Variants in GALNS observed in about 807,000 individuals in gnomAD.
GALNS encodes the protein N-acetylgalactosamine-6-sulfatase.
A neutral mutation model predicts 65.9 loss-of-function variants in GALNS; 65 were observed. The ratio of observed to expected loss-of-function variants is 0.99; its 90% CI spans 0.81 to 1.21. GALNS has a LOEUF of 1.21. Ranked by LOEUF, GALNS falls within the 50% of genes most tolerant of loss-of-function variation. GALNS has a pLI of 0.00. For missense variants in GALNS, 776 were observed against 700.7 expected, an observed-to-expected ratio of 1.11 and a Z score of -1.21; for synonymous variants, 346 against 288.9, an observed-to-expected ratio of 1.20 and a Z score of -2.00.
At chr16:88,846,559 C>T (rs1469549844) in intron 1 of GALNS, among the ~76,000 whole-genome samples, 4 of 147,782 alleles carry the variant, frequency 2.7e-5, no homozygotes, top group African/African-American at 1.0e-4. Context: ...TGTTGTCGCC[C>T]AGGCTGGAGG....
intron 1 of GALNS, chr16:88,843,387 C>G: frequency 2.4e-6 from 1 of 419,854 alleles, no homozygotes; most frequent in South Asian, 2.0e-5. Flanking sequence ...ATACGAGCGT[C>G]CAGGGCAGCA....
intron 1 of GALNS, chr16:88,843,381 G>A (rs905714724): frequency 6.9e-6 from 3 of 432,010 alleles, no homozygotes; most frequent in South Asian, 1.9e-5. Context: ...GCCTGCATAC[G>A]AGCGTCCAGG....
chr16:88,835,872 G>T, intron 6 of GALNS, 23 bp from the exon 7 acceptor site: 1 of 1,613,560 alleles, frequency 6.2e-7, no homozygotes, highest in Non-Finnish European at 8.5e-7. Flanking sequence ...CCACACCGTC[G>T]TCCTCCAGCC....
At chr16:88,839,727 G>C (rs1439291394) in intron 4 of GALNS, among the ~76,000 whole-genome samples, 1 of 152,234 alleles carries the variant, frequency 6.6e-6, no homozygotes, top group Non-Finnish European at 1.5e-5. Flanking sequence ...GGGCTCTGAG[G>C]TCTGCCTGGC....
intron 1 of GALNS, among the ~76,000 whole-genome samples, chr16:88,851,579 G>A (rs1967511503): frequency 1.3e-5 from 2 of 152,212 alleles, no homozygotes; most frequent in Admixed American, 1.3e-4. Context: ...GGAAGTGCGA[G>A]GGGTTGGGGG....
At chr16:88,851,532 G>C (rs965012586) in intron 1 of GALNS, among the ~76,000 whole-genome samples, 2 of 152,186 alleles carry the variant, frequency 1.3e-5, no homozygotes, top group African/African-American at 2.4e-5. Flanking sequence ...AGCCCATGGA[G>C]GGTGAGCCGA....
rs567570645 is a variant in GALNS at position 88,825,044 on chromosome 16, G to A, written c.1140-175C>T. On this transcript the variant is annotated intron_variant, in intron 10 of 13. Transcript: ENST00000268695. ...CCCGCAAGGTGGCTGGGGCTGGGGT[G>A]CCTGGGCGGCCGGGGCTGGAGCTCC... Among the ~76,000 whole-genome samples, 23 of 129,096 alleles carry A rather than the reference G, an allele frequency of 1.8e-4. No homozygotes were observed. The South Asian group carries it at 4.4e-3, about 25-fold the overall frequency. 84.7% of individuals were successfully genotyped at this position (129,096 alleles called of 152,430 possible).
intron 13 of GALNS, chr16:88,814,956 C>T (rs1909475847): frequency 2.3e-6 from 2 of 854,920 alleles, no homozygotes; most frequent in Non-Finnish European, 2.8e-6. Context: ...TGGTCTCAAA[C>T]TTCTGACCTC....
At chr16:88,854,407 G>A (rs1191170555) in intron 1 of GALNS, among the ~76,000 whole-genome samples, 1 of 152,234 alleles carries the variant, frequency 6.6e-6, no homozygotes, top group Non-Finnish European at 1.5e-5. Context: ...GAGCTTCTGT[G>A]GCTCTCACCT....
At chr16:88,851,276 G>A (rs1443240558) in intron 1 of GALNS, among the ~76,000 whole-genome samples, 1 of 152,166 alleles carries the variant, frequency 6.6e-6, no homozygotes, top group African/African-American at 2.4e-5. Context: ...CACTTTGGGA[G>A]GCTGAGGAGG....
intron 4 of GALNS, chr16:88,838,685 C>T (rs535539044): frequency 3.6e-4 from 55 of 152,516 alleles, no homozygotes; most frequent in African/African-American, 1.3e-3. Flanking sequence ...TGTCCTGGAA[C>T]GAATCCAGCT....
intron 9 of GALNS, 120 bp from the exon 10 acceptor site, chr16:88,826,958 G>C: frequency 8.4e-7 from 1 of 1,194,188 alleles, no homozygotes; most frequent in East Asian, 2.6e-5. Context: ...ATGCATACAT[G>C]CTCACACGCC....
intron 1 of GALNS, chr16:88,856,105 T>TAGGGAAGG (rs1285914254): frequency 4.3e-6 from 3 of 695,020 alleles, no homozygotes; most frequent in Non-Finnish European, 5.3e-6. Context: ...CACAAGGAGT[T>TAGGGAAGG]AGGGAAGGAG....
Position 88,816,085 on chromosome 16 carries a change from C to G in GALNS, c.1483-1560G>C, listed in dbSNP as rs373049867. 3.0e-6 allele frequency: 3 copies of G among 985,446 alleles called. No homozygotes were observed. In the South Asian group the frequency reaches 1.4e-4, roughly 46 times the overall value. The allele number at this position is 985,446 out of a possible 1,614,324, so 61.0% of individuals were successfully genotyped here. A position where few individuals can be genotyped will look rare whatever the true frequency, so the allele number is the denominator to read the frequency against. On this transcript the variant is annotated intron_variant, in intron 13 of 13. Transcript: ENST00000268695. ...CTCTGCTCACGGTGGCATCTGGGCC[C>G]CTCAGACCCCAGTGGCTCAGCTCGC... is the stretch of plus-strand genomic sequence containing the variant.
chr16:88,835,063 G>A (rs1282987866), intron 8 of GALNS, 150 bp downstream of exon 8: 8 of 1,033,674 alleles, frequency 7.7e-6, no homozygotes, highest in African/African-American at 4.7e-5. Flanking sequence ...GGCCTTGCTC[G>A]AGGCTCGGTG....
chr16:88,854,213 C>T (rs1363727875), intron 1 of GALNS, among the ~76,000 whole-genome samples: 1 of 152,216 alleles, frequency 6.6e-6, no homozygotes, highest in Admixed American at 6.5e-5. Flanking sequence ...CCATGTCATG[C>T]CAGAGGCCGA....
At position 88,822,667 on chromosome 16, in the gene GALNS, G is replaced by A. The variant is rs768180795; in HGVS notation, c.1286C>T (p.Thr429Ile). Residue 429 changes from threonine (T) to isoleucine (I), a missense_variant, in exon 12 of 14, where the codon ACT becomes ATT. By Grantham distance (89) the Thr-to-Ile change is moderately conservative. Coordinates refer to ENST00000268695, the MANE Select transcript of GALNS (RefSeq NM_000512.5). ...CPGQNVSGVT[T>I]HNLEDHTKLP... ...CTTCGTGTGGTCTTCCAGATTGTGA[G>A]TTGTGACCCCTGAAACGTTCTGCCC... 10 of 1,613,118 alleles carry A rather than the reference G, an allele frequency of 6.2e-6. No homozygotes were observed. The African/African-American group carries it at 8.0e-5, about 13-fold the overall frequency.
chr16:88,815,636 C>T lies in GALNS; in HGVS notation c.1483-1111G>A, dbSNP rs148844973. The T allele has an allele frequency of 9.0e-3, 8,884 of 985,476 alleles. 57 individuals are homozygous for T. The highest frequency in any genetic ancestry group is 0.029 in the Middle Eastern group (55 of 1,914). The allele number at this position is 985,476 out of a possible 1,614,324, so 61.0% of individuals were successfully genotyped here. A position where few individuals can be genotyped will look rare whatever the true frequency, so the allele number is the denominator to read the frequency against. Reference sequence around the variant, plus strand: ...CCCCATCCAGGCCACTTCTGTGCCACGTCAGACGCCGCATGGCCCTGAGGG... The same window carrying T: ...CCCCATCCAGGCCACTTCTGTGCCATGTCAGACGCCGCATGGCCCTGAGGG... On this transcript the variant is annotated intron_variant, in intron 13 of 13. Transcript: ENST00000268695.
intron 12 of GALNS, among the ~76,000 whole-genome samples, chr16:88,821,099 A>C (rs1338548845): frequency 6.6e-6 from 1 of 152,072 alleles, no homozygotes; most frequent in Admixed American, 6.5e-5. Flanking sequence ...CTGTCTCTGT[A>C]TCTCGGCACC....
Sources: allele counts gnomAD v4.1 joint callset (sites outside exome capture counted in the v4.1 genomes callset), GRCh38; gene constraint gnomAD v4.1.1; transcripts MANE v1.5; gene names NCBI Gene and HGNC (gene_info 2026-07-23, HGNC 2026-07-21).